Variants in SLC9A1 observed in about 807,000 individuals in gnomAD.
SLC9A1 encodes the protein sodium/hydrogen exchanger 1.
SLC9A1 carries 22 observed loss-of-function variants against 67.9 expected under a neutral mutation model. That is an observed-to-expected ratio of 0.32 (90% confidence interval 0.23 to 0.46). The LOEUF (loss-of-function observed/expected upper bound fraction) is 0.46. Ranked by LOEUF, SLC9A1 falls within the 20% of genes least tolerant of loss-of-function variation. The pLI is 1.00. For missense variants in SLC9A1, 686 were observed against 1,094.8 expected (o/e 0.63, Z 5.27); for synonymous variants, 421 against 471.8 (o/e 0.89, Z 1.40).
intron 1 of SLC9A1, among the ~76,000 whole-genome samples, chr1:27,145,568 C>T (rs1056815784): frequency 6.6e-6 from 1 of 152,212 alleles, no homozygotes; most frequent in Non-Finnish European, 1.5e-5. Flanking sequence ...TGATATCACT[C>T]CTCCGCCTTC....
rs11247610 is a variant in SLC9A1 at position 27,140,623 on chromosome 1, C to T, written c.352+13360G>A. 6.0e-3 allele frequency among the ~76,000 whole-genome samples: 908 copies of T among 152,292 alleles called. 5 individuals are homozygous for T. The highest frequency in any genetic ancestry group is 0.017 in the African/African-American group (698 of 41,554). On this transcript the variant is annotated intron_variant, in intron 1 of 11. Transcript: ENST00000263980. ...GGTGATGTAGCTTAAAAAGGGCACA[C>T]CTTTTCCCCTTAATACTGGCATCAC...
At chr1:27,108,692 A>G (rs974573329) in intron 3 of SLC9A1, among the ~76,000 whole-genome samples, 7 of 151,692 alleles carry the variant, frequency 4.6e-5, no homozygotes, top group Non-Finnish European at 7.4e-5. Flanking sequence ...GAGAGATCTG[A>G]CTCTAAGAGA....
In SLC9A1 at chr1:27,109,660, C is replaced by A. The variant is rs1482902869; in HGVS notation, c.931G>T (p.Val311Phe). The change falls in exon 3 of 12, where the codon GTC becomes TTC. Residue 311 changes from valine (V) to phenylalanine (F), a missense_variant. Physicochemically the swap from Val to Phe is conservative, Grantham distance 50. This residue lies in a region of SLC9A1 where 58 missense variants were observed against 68.9 expected (regional missense o/e 0.84). Transcript: ENST00000263980. The surrounding 1 kb of genome is among the most constrained non-coding windows in gnomAD (Gnocchi z 5.5). ...VALGGVLVGV[V>F]YGVIAAFTSR... ...GTGAAGGCTGCGATGACCCCGTAGA[C>A]CACGCCCACAAGCACCCCGCCCAGG... is the stretch of plus-strand genomic sequence containing the variant. 1 of 1,613,716 alleles carries A rather than the reference C, an allele frequency of 6.2e-7. No homozygotes were observed. Among genetic ancestry groups the A allele is most frequent in the East Asian group, 2.2e-5 (1 of 44,876 alleles).
At chr1:27,107,527 C>T in intron 4 of SLC9A1, 121 bp downstream of exon 4, 1 of 744,784 alleles carries the variant, frequency 1.3e-6, no homozygotes, top group South Asian at 1.7e-5. Context: ...ATGCACACAC[C>T]ACATAGCCTG....
Position 27,109,827 on chromosome 1 carries a change from ACGGTTCCCTGGGGTCCACCCAG to A in SLC9A1, c.814-72_814-51del. On this transcript the variant is annotated intron_variant, in intron 2 of 11. Coordinates refer to ENST00000263980, the MANE Select transcript of SLC9A1 (RefSeq NM_003047.5). This position sits in a 1 kb window ranked among gnomAD's most constrained non-coding sequence, Gnocchi z 5.5. ...GGTGGGAGGAGAGGGCCCTGGCCCCACGGTTCCCTGGGGTCCACCCAGGGCAATCCTGTCCCCTCCGTTAACC... is the reference window on the plus strand; with the variant it reads ...GGTGGGAGGAGAGGGCCCTGGCCCCAGGCAATCCTGTCCCCTCCGTTAACC... 1 of 1,606,102 alleles carries A rather than the reference ACGGTTCCCTGGGGTCCACCCAG, an allele frequency of 6.2e-7. No individual in the cohort carries two copies. Among genetic ancestry groups the A allele is most frequent in the Non-Finnish European group, 8.5e-7 (1 of 1,176,080 alleles).
intron 1 of SLC9A1, among the ~76,000 whole-genome samples, chr1:27,144,620 G>A (rs1245016054): frequency 6.6e-6 from 1 of 152,188 alleles, no homozygotes; most frequent in Non-Finnish European, 1.5e-5. Context: ...GGCTTTGCAG[G>A]GATCCTATCT....
chr1:27,122,533 G>A (rs568525571), intron 1 of SLC9A1, among the ~76,000 whole-genome samples: 2 of 152,274 alleles, frequency 1.3e-5, no homozygotes, highest in South Asian at 2.1e-4. Context: ...GGAAGGAACT[G>A]AGTCAAGGAG....
Position 27,114,255 on chromosome 1 carries a change from G to A in SLC9A1, c.384C>T (p.Ile128=), listed in dbSNP as rs2124155772. 4 of 1,612,936 alleles carry A rather than the reference G, an allele frequency of 2.5e-6. No homozygotes were observed. The highest frequency in any genetic ancestry group is 1.1e-5 in the South Asian group (1 of 91,074). ...GFHVIPTISS[I]VPESCLLIVV... ...CGATCAGCAGGCAGCTCTCCGGGAC[G>A]ATGCTTGAGATAGTGGGGATCACAT... The change falls in exon 2 of 12, where the codon ATC becomes ATT. Residue 128 remains isoleucine (I), a synonymous_variant. Coordinates refer to ENST00000263980, the MANE Select transcript of SLC9A1 (RefSeq NM_003047.5). The surrounding 1 kb of genome is among the most constrained non-coding windows in gnomAD (Gnocchi z 5.4).
intron 1 of SLC9A1, among the ~76,000 whole-genome samples, chr1:27,143,692 G>A (rs2083465497): frequency 6.6e-6 from 1 of 152,216 alleles, no homozygotes; most frequent in South Asian, 2.1e-4. Flanking sequence ...CGACAGATAG[G>A]GAAACTAAGG....
At chr1:27,119,964 C>G (rs1389165572) in intron 1 of SLC9A1, among the ~76,000 whole-genome samples, 2 of 152,018 alleles carry the variant, frequency 1.3e-5, no homozygotes, top group Non-Finnish European at 2.9e-5. Flanking sequence ...AAAGGCTGCC[C>G]TCTCCAGGAA....
rs533907979 is a variant in SLC9A1, at chr1:27,106,970, G to A, written c.1282+678C>T. On this transcript the variant is annotated intron_variant, in intron 4 of 11. Transcript: ENST00000263980. This position sits in a 1 kb window ranked among gnomAD's most constrained non-coding sequence, Gnocchi z 4.3. ...GAGACCACAGCCTTGCTGTGACACA[G>A]GCTTCTCCCTGCTGAAGGGCCCATC... Among the ~76,000 whole-genome samples, 1 of 151,858 alleles carries A rather than the reference G, an allele frequency of 6.6e-6. No homozygotes were observed. Among genetic ancestry groups the A allele is most frequent in the Non-Finnish European group, 1.5e-5 (1 of 67,900 alleles).
intron 1 of SLC9A1, among the ~76,000 whole-genome samples, chr1:27,119,982 T>C (rs2083294389): frequency 6.6e-6 from 1 of 151,880 alleles, no homozygotes; most frequent in African/African-American, 2.4e-5. Flanking sequence ...GAAGCTCTCC[T>C]AAGTTAACTC....
chr1:27,100,670 C>T lies in SLC9A1; in HGVS notation c.2111-26G>A. The T allele has an allele frequency of 6.4e-7, 1 of 1,569,372 alleles. No homozygotes were observed. The highest frequency in any genetic ancestry group is 8.7e-7 in the Non-Finnish European group (1 of 1,154,514). On this transcript the variant is annotated intron_variant, in intron 11 of 11. Transcript: ENST00000263980. This position sits in a 1 kb window ranked among gnomAD's most constrained non-coding sequence, Gnocchi z 5.6. ...CTGGGGACCAAGAGCAAGGCACAAGCTGGGTTCCGCTCTGGAGCCCGGCCC... is the reference window on the plus strand; with the variant it reads ...CTGGGGACCAAGAGCAAGGCACAAGTTGGGTTCCGCTCTGGAGCCCGGCCC...
At chr1:27,150,357 C>T (rs1311472960) in intron 1 of SLC9A1, among the ~76,000 whole-genome samples, 2 of 152,172 alleles carry the variant, frequency 1.3e-5, no homozygotes, top group Non-Finnish European at 2.9e-5. Flanking sequence ...TGAATACCTG[C>T]TTTATGGGCT....
At chr1:27,139,212 C>T (rs535303577) in intron 1 of SLC9A1, among the ~76,000 whole-genome samples, 4 of 152,282 alleles carry the variant, frequency 2.6e-5, no homozygotes, top group Admixed American at 6.5e-5. Context: ...GAGCCTTAAC[C>T]GGTGTCACGG....
chr1:27,142,850 G>A (rs1364848172), intron 1 of SLC9A1, among the ~76,000 whole-genome samples: 2 of 151,912 alleles, frequency 1.3e-5, no homozygotes, highest in African/African-American at 4.8e-5. Flanking sequence ...ACTCACTCTG[G>A]GGTCCTTCTC....
chr1:27,122,243 T>C (rs1394932146), intron 1 of SLC9A1, among the ~76,000 whole-genome samples: 1 of 152,112 alleles, frequency 6.6e-6, no homozygotes, highest in East Asian at 1.9e-4. Context: ...GGAGCTGTGT[T>C]CGGTGCCTCA....
intron 1 of SLC9A1, among the ~76,000 whole-genome samples, chr1:27,142,207 C>T (rs148475432): frequency 6.6e-6 from 1 of 152,324 alleles, no homozygotes; most frequent in East Asian, 1.9e-4. Flanking sequence ...GGTCCACTGT[C>T]CAGGTCTTAC....
chr1:27,134,259 C>A (rs2083404674), intron 1 of SLC9A1, among the ~76,000 whole-genome samples: 1 of 152,142 alleles, frequency 6.6e-6, no homozygotes, highest in Admixed American at 6.5e-5. Flanking sequence ...CTATTACTTG[C>A]TGGCTCTGTG....
Sources: gnomAD v4.1 joint callset for allele counts (sites outside exome capture counted in the v4.1 genomes callset) on GRCh38, gnomAD v4.1.1 for gene constraint, gnomAD v4.1.1 regional missense constraint, Gnocchi (gnomAD v3.1) non-coding constraint, MANE v1.5 for transcripts, NCBI Gene and HGNC (gene_info 2026-07-23, HGNC 2026-07-21) for gene names.